The following GGA2 variants were observed in gnomAD, a reference collection of about 807,000 sequenced individuals.
The protein encoded by GGA2 is ADP-ribosylation factor-binding protein GGA2.
Under a neutral mutation model 79.5 loss-of-function variants are expected in GGA2, and 48 were observed. That is an observed-to-expected ratio of 0.60 (90% CI 0.48 to 0.77). The LOEUF is 0.77. Among genes scored for constraint, GGA2 ranks in the 30% least tolerant of loss-of-function variants. The probability of loss-of-function intolerance (pLI) is 0.00; values close to 1 mark genes in which losing one functional copy is unlikely to be tolerated. For missense variants in GGA2, 770 were observed against 774.0 expected, an observed-to-expected ratio of 0.99 and a Z score of 0.06; for synonymous variants, 317 against 302.0, an observed-to-expected ratio of 1.05 and a Z score of -0.51.
At chr16:23,522,798 T>A (rs1276984085), upstream of GGA2, 1 of 152,176 alleles carries the variant, frequency 6.6e-6, no homozygotes, top group Admixed American at 6.5e-5. Context: ...TCTGAGTGGT[T>A]CTGGCTTAGG....
intron 15 of GGA2, 24 bp downstream of exon 15, chr16:23,469,972 A>G (rs1269237601): frequency 6.8e-6 from 10 of 1,459,974 alleles, no homozygotes; most frequent in African/African-American, 1.4e-5. Flanking sequence ...GCCATTACTG[A>G]GAAATCCCCA....
At chr16:23,469,807 T>C (rs1267520609) in intron 15 of GGA2, among the ~76,000 whole-genome samples, 189 bp downstream of exon 15, 1 of 152,180 alleles carries the variant, frequency 6.6e-6, no homozygotes, top group Non-Finnish European at 1.5e-5. Flanking sequence ...AAGAACCTAT[T>C]TGGATTCACT....
In GGA2 at chr16:23,467,413, C is replaced by CAT; in HGVS notation, c.*176_*177insAT. The CAT allele has an allele frequency of 1.7e-6, 1 of 593,282 alleles. No homozygotes were observed. Among genetic ancestry groups the CAT allele is most frequent in the Admixed American group, 2.6e-5 (1 of 38,290 alleles). 36.8% of individuals were successfully genotyped at this position (593,282 alleles called of 1,614,324 possible). ...ACACACACACACACACACACACACACACACACACACACACACACACAGAGC... is the reference window on the plus strand; with the variant it reads ...ACACACACACACACACACACACACACATACACACACACACACACACACAGAGC... On this transcript the variant is annotated 3_prime_UTR_variant, in exon 17 of 17. Coordinates refer to ENST00000309859, the MANE Select transcript of GGA2 (RefSeq NM_015044.4).
rs762904170 is a variant in GGA2 at position 23,479,910 on chromosome 16, GAGA to G, written c.1007-26_1007-24del. 15 of 1,612,962 alleles carry G rather than the reference GAGA, an allele frequency of 9.3e-6. No homozygotes were observed. In the African/African-American group the frequency reaches 1.7e-4, roughly 19 times the overall value. ...AGACTAGAAAGCCCAGGGTTAGGAA[GAGA>G]AGTCAGTTGGACATGAGAGCAAAGT... On this transcript the variant is annotated intron_variant, in intron 10 of 16. Transcript: ENST00000309859.
intron 16 of GGA2, among the ~76,000 whole-genome samples, chr16:23,468,445 G>A (rs1040770565): frequency 2.6e-4 from 39 of 150,226 alleles, no homozygotes; most frequent in African/African-American, 9.1e-4. Context: ...CAAAGTGCTG[G>A]GATTACAGGC....
Position 23,518,990 on chromosome 16 carries a change from T to C in GGA2, c.61+597A>G, listed in dbSNP as rs183952959. On this transcript the variant is annotated intron_variant, in intron 2 of 5. Transcript: ENST00000569300. Reference sequence around the variant, plus strand: ...TAAAGTAGGATAAAGGCAGTATGAATGGGATTCCAAATTTGGCTATAAAAA... The same window carrying C: ...TAAAGTAGGATAAAGGCAGTATGAACGGGATTCCAAATTTGGCTATAAAAA... 8.6e-5 allele frequency among the ~76,000 whole-genome samples: 13 copies of C among 151,434 alleles called. No individual in the cohort carries two copies. The East Asian group carries it at 2.5e-3, about 29-fold the overall frequency.
chr16:23,507,939 G>A (rs1964991425), intron 1 of GGA2, among the ~76,000 whole-genome samples: 2 of 152,134 alleles, frequency 1.3e-5, no homozygotes, highest in Non-Finnish European at 2.9e-5. Flanking sequence ...CAGCCTGGGT[G>A]ACACAGTGAG....
chr16:23,488,237 T>A (rs1195075888), intron 6 of GGA2, among the ~76,000 whole-genome samples: 1 of 152,016 alleles, frequency 6.6e-6, no homozygotes, highest in Non-Finnish European at 1.5e-5. Flanking sequence ...CTTCTGCACC[T>A]TCTTTCCCCC....
At position 23,494,712 on chromosome 16, in the gene GGA2, C is replaced by T. The variant is rs548646493; in HGVS notation, c.177-334G>A. Among the ~76,000 whole-genome samples, 7 of 152,330 alleles carry T rather than the reference C, an allele frequency of 4.6e-5. No individual in the cohort carries two copies. In the South Asian group the frequency reaches 1.4e-3, roughly 32 times the overall value. ...GGCCCTGTATGGCTGTGATAAATAC[C>T]TAGGAAATGCTAGAGCAGAAAGTGC... On this transcript the variant is annotated intron_variant, in intron 2 of 16. Transcript: ENST00000309859.
chr16:23,523,492 A>G (rs1393674876), upstream of GGA2: 1 of 152,256 alleles, frequency 6.6e-6, no homozygotes, highest in Non-Finnish European at 1.5e-5. Context: ...AAAGGGTAGC[A>G]TAAGACAAGA....
chr16:23,490,589 G>T (rs1964769908), intron 5 of GGA2, among the ~76,000 whole-genome samples: 1 of 151,980 alleles, frequency 6.6e-6, no homozygotes, highest in African/African-American at 2.4e-5. Flanking sequence ...ACAAAAATTA[G>T]CCAGGCATGG....
At chr16:23,506,329 C>A (rs953794253) in intron 1 of GGA2, among the ~76,000 whole-genome samples, 26 of 152,140 alleles carry the variant, frequency 1.7e-4, no homozygotes, top group African/African-American at 6.3e-4. Context: ...TCTGACTTAA[C>A]CCATCGTTCA....
chr16:23,468,476 G>T (rs550514504), intron 16 of GGA2, among the ~76,000 whole-genome samples: 2 of 142,464 alleles, frequency 1.4e-5, no homozygotes, highest in African/African-American at 5.3e-5. Flanking sequence ...GCACCTGGCC[G>T]ACTTTATTTT....
At position 23,493,807 on chromosome 16, in the gene GGA2, C is replaced by T. The variant is rs549518336; in HGVS notation, c.253-349G>A. The T allele has an allele frequency of 2.2e-5, 7 of 312,446 alleles. No homozygotes were observed. The East Asian group carries it at 5.6e-4, about 25-fold the overall frequency. The allele number at this position is 312,446 out of a possible 1,614,324, so 19.4% of individuals were successfully genotyped here. A position where few individuals can be genotyped will look rare whatever the true frequency, so the allele number is the denominator to read the frequency against. On this transcript the variant is annotated intron_variant, in intron 3 of 16. Coordinates refer to ENST00000309859, the MANE Select transcript of GGA2 (RefSeq NM_015044.4). ...AGATCTGGTATCCAGTGCCCAAGAC[C>T]AGCCGGATGTCACCCACTGGCACTC...
intron 2 of GGA2, among the ~76,000 whole-genome samples, chr16:23,495,087 A>G (rs199538482): frequency 1.1e-4 from 16 of 146,970 alleles, no homozygotes; most frequent in South Asian, 4.2e-4. Flanking sequence ...GGAAAAAAAA[A>G]AAAAGAAAAG....
chr16:23,516,275 G>A (rs113107506), intron 2 of GGA2, among the ~76,000 whole-genome samples: 1,969 of 152,182 alleles, frequency 0.013, 43 homozygotes, highest in African/African-American at 0.046. Flanking sequence ...GCTTCCCAAA[G>A]TGCTGGGATT....
intron 8 of GGA2, among the ~76,000 whole-genome samples, chr16:23,484,761 T>C (rs954064544): frequency 6.6e-6 from 1 of 152,186 alleles, no homozygotes; most frequent in Non-Finnish European, 1.5e-5. Flanking sequence ...ACATTGCTGC[T>C]GGGAATGTAA....
rs564543535 is a variant in GGA2, at chr16:23,482,172, G to A, written c.880+751C>T. ...CCAGCTACTTGGGAGGCTGAGGAAG[G>A]AGAATGGCTTGAACCAGGGAGGTAG... On this transcript the variant is annotated intron_variant, in intron 9 of 16. Coordinates refer to ENST00000309859, the MANE Select transcript of GGA2 (RefSeq NM_015044.4). 1.1e-4 allele frequency among the ~76,000 whole-genome samples: 17 copies of A among 152,336 alleles called. No individual in the cohort carries two copies. In the South Asian group the frequency reaches 1.9e-3, roughly 17 times the overall value.
chr16:23,484,337 G>C (rs1964685888), intron 8 of GGA2, among the ~76,000 whole-genome samples: 1 of 151,970 alleles, frequency 6.6e-6, no homozygotes, highest in Non-Finnish European at 1.5e-5. Context: ...AGAATCGCTC[G>C]AACCCGGGAG....
Sources: allele counts gnomAD v4.1 joint callset (sites outside exome capture counted in the v4.1 genomes callset), GRCh38; gene constraint gnomAD v4.1.1; transcripts MANE v1.5; gene names NCBI Gene and HGNC (gene_info 2026-07-23, HGNC 2026-07-21).